The following AGBL4 variants were observed in gnomAD, a reference collection of about 807,000 sequenced individuals.
The protein encoded by AGBL4 is AGBL carboxypeptidase 4, also known as cytosolic carboxypeptidase 6.
In AGBL4, 58 loss-of-function variants were observed where a neutral mutation model predicts 66.4. The observed-to-expected ratio is 0.87, with a 90% CI of 0.71 to 1.09. AGBL4 has a LOEUF of 1.09. Ranked by LOEUF, AGBL4 falls within the 50% of genes least tolerant of loss-of-function variation. The probability of loss-of-function intolerance (pLI) is 0.00; values close to 1 mark genes in which losing one functional copy is unlikely to be tolerated. For missense variants in AGBL4, 579 were observed against 631.0 expected (o/e 0.92, Z 0.88); for synonymous variants, 234 against 222.9 (o/e 1.05, Z -0.44).
At chr1:49,265,291 G>A (rs1215056461) in intron 3 of AGBL4, among the ~76,000 whole-genome samples, 2 of 152,152 alleles carry the variant, frequency 1.3e-5, no homozygotes, top group Admixed American at 6.5e-5. Context: ...TTTGGAGTAC[G>A]TCTGACAACA....
At chr1:49,476,464 T>C (rs1328933431) in intron 3 of AGBL4, among the ~76,000 whole-genome samples, 1 of 151,928 alleles carries the variant, frequency 6.6e-6, no homozygotes, top group East Asian at 1.9e-4. Flanking sequence ...TTTTCATTAG[T>C]TTTCTGCCTC....
chr1:49,200,353 C>G (rs1210833657), intron 4 of AGBL4, among the ~76,000 whole-genome samples: 1 of 152,216 alleles, frequency 6.6e-6, no homozygotes, highest in Non-Finnish European at 1.5e-5. Flanking sequence ...CAACAGCTGT[C>G]TAGGGGTTTA....
intron 2 of AGBL4, among the ~76,000 whole-genome samples, chr1:49,727,645 G>C (rs1297848978): frequency 6.6e-6 from 1 of 152,142 alleles, no homozygotes; most frequent in Non-Finnish European, 1.5e-5. Context: ...TACAAGAACT[G>C]CTGCCTTCAT....
chr1:48,890,845 G>A (rs888151275), intron 5 of AGBL4, among the ~76,000 whole-genome samples: 15 of 152,298 alleles, frequency 9.8e-5, no homozygotes, highest in African/African-American at 2.6e-4. Context: ...ATGAATGAAC[G>A]CAGAAGTGCA....
rs555426145 is a variant in AGBL4 at position 48,970,815 on chromosome 1, G to T, written c.594+74769C>A. ...TCAAGAGGCTATGAGTGCTACTTCCGGCAGAAAGGCCTTGGGTCTTTCTGT... is the reference window on the plus strand; with the variant it reads ...TCAAGAGGCTATGAGTGCTACTTCCTGCAGAAAGGCCTTGGGTCTTTCTGT... On this transcript the variant is annotated intron_variant, in intron 5 of 13. Transcript: ENST00000371839. 1.4e-4 allele frequency among the ~76,000 whole-genome samples: 21 copies of T among 152,172 alleles called. No individual in the cohort carries two copies. In the South Asian group the frequency reaches 4.4e-3, roughly 32 times the overall value.
At chr1:48,614,029 A>G (rs1365339362) in intron 9 of AGBL4, among the ~76,000 whole-genome samples, 2 of 152,208 alleles carry the variant, frequency 1.3e-5, no homozygotes, top group African/African-American at 4.8e-5. Flanking sequence ...TGGAAAGCAT[A>G]AGGCACAAGA....
chr1:48,865,114 A>G (rs1647891284), intron 6 of AGBL4, among the ~76,000 whole-genome samples: 2 of 152,152 alleles, frequency 1.3e-5, no homozygotes, highest in South Asian at 2.1e-4. Flanking sequence ...CAGACAAGCC[A>G]GTACCTCCTA....
At chr1:48,614,038 G>C (rs1470353592) in intron 9 of AGBL4, among the ~76,000 whole-genome samples, 2 of 152,192 alleles carry the variant, frequency 1.3e-5, no homozygotes, top group East Asian at 3.9e-4. Context: ...TAAGGCACAA[G>C]AGGAAAAACC....
At chr1:49,974,924 G>T (rs918423741) in intron 1 of AGBL4, among the ~76,000 whole-genome samples, 1 of 152,080 alleles carries the variant, frequency 6.6e-6, no homozygotes, top group Admixed American at 6.6e-5. Context: ...AAATAAATAT[G>T]CAGGAAATAT....
intron 2 of AGBL4, among the ~76,000 whole-genome samples, chr1:49,719,257 T>C (rs1252617118): frequency 6.6e-6 from 1 of 152,180 alleles, no homozygotes; most frequent in Non-Finnish European, 1.5e-5. Flanking sequence ...ACTCAGTCTA[T>C]TCATTTCCAA....
At chr1:49,006,487 C>G (rs569405489) in intron 5 of AGBL4, among the ~76,000 whole-genome samples, 115 of 152,352 alleles carry the variant, frequency 7.5e-4, no homozygotes, top group African/African-American at 2.7e-3. Context: ...CTTAGGTAAA[C>G]AAAGCAGCGG....
At chr1:49,978,453 CA>C (rs984181651) in intron 1 of AGBL4, among the ~76,000 whole-genome samples, 6 of 151,934 alleles carry the variant, frequency 3.9e-5, no homozygotes, top group African/African-American at 1.5e-4. Context: ...CTAAAATAAA[CA>C]ACAAAAAAAA....
intron 11 of AGBL4, among the ~76,000 whole-genome samples, chr1:48,578,386 A>G (rs1365456526): frequency 6.6e-6 from 1 of 152,194 alleles, no homozygotes; most frequent in Non-Finnish European, 1.5e-5. Flanking sequence ...GTCTGTAGGG[A>G]GGAGAAAAAA....
intron 1 of AGBL4, among the ~76,000 whole-genome samples, chr1:49,872,994 T>C (rs184294894): frequency 3.6e-4 from 54 of 152,098 alleles, no homozygotes; most frequent in Admixed American, 1.2e-3. Context: ...TCTTTCCCCT[T>C]TTTTCCCCAT....
intron 5 of AGBL4, among the ~76,000 whole-genome samples, chr1:48,915,277 T>C (rs780403027): frequency 4.6e-5 from 7 of 152,222 alleles, no homozygotes; most frequent in East Asian, 3.8e-4. Context: ...TATGCCTTGG[T>C]ACATGCTGTT....
chr1:48,949,706 G>C (rs1656809946), intron 5 of AGBL4, among the ~76,000 whole-genome samples: 1 of 152,202 alleles, frequency 6.6e-6, no homozygotes. Context: ...CTAATGGAAA[G>C]ACATGAGTGA....
chr1:49,433,574 C>T (rs1438922016), intron 3 of AGBL4, among the ~76,000 whole-genome samples: 1 of 152,042 alleles, frequency 6.6e-6, no homozygotes, highest in Non-Finnish European at 1.5e-5. Context: ...GATAAATACC[C>T]ATTTTTCCAC....
At chr1:49,742,508 A>G (rs1650596391) in intron 2 of AGBL4, among the ~76,000 whole-genome samples, 1 of 151,838 alleles carries the variant, frequency 6.6e-6, no homozygotes, top group Non-Finnish European at 1.5e-5. Flanking sequence ...TGCCATCCCC[A>G]TCAAGCTACC....
At chr1:48,699,868 C>G (rs1646774204) in intron 6 of AGBL4, among the ~76,000 whole-genome samples, 1 of 151,938 alleles carries the variant, frequency 6.6e-6, no homozygotes, top group Non-Finnish European at 1.5e-5. Flanking sequence ...TCTGGGATAA[C>G]CCAAACCATG....
Sources: gnomAD v4.1 joint callset for allele counts (sites outside exome capture counted in the v4.1 genomes callset) on GRCh38, gnomAD v4.1.1 for gene constraint, MANE v1.5 for transcripts, NCBI Gene and HGNC (gene_info 2026-07-23, HGNC 2026-07-21) for gene names.